RNFT2: variants seen among roughly 807,000 people sequenced by gnomAD.
RNFT2 encodes the protein E3 ubiquitin-protein ligase RNFT2.
RNFT2 carries 36 observed loss-of-function variants against 53.0 expected under a neutral mutation model. That is an observed-to-expected ratio of 0.68 (90% CI 0.52 to 0.90). The LOEUF (loss-of-function observed/expected upper bound fraction) is 0.90. RNFT2 is among the 40% of genes least tolerant of loss of function. The probability of loss-of-function intolerance (pLI) is 0.00; values close to 1 mark genes in which losing one functional copy is unlikely to be tolerated. For synonymous variants in RNFT2, 260 were observed against 253.2 expected, an observed-to-expected ratio of 1.03 and a Z score of -0.26; for missense variants, 514 against 585.6, an observed-to-expected ratio of 0.88 and a Z score of 1.26.
At chr12:116,838,233 T>G (rs1877078488) in intron 10 of RNFT2, among the ~76,000 whole-genome samples, 1 of 152,240 alleles carries the variant, frequency 6.6e-6, no homozygotes, top group African/African-American at 2.4e-5. Context: ...AAGGCTGTCA[T>G]GAATGATCCA....
intron 3 of RNFT2, among the ~76,000 whole-genome samples, chr12:116,745,357 TAG>T (rs1405291046): frequency 6.6e-6 from 1 of 151,912 alleles, no homozygotes; most frequent in Non-Finnish European, 1.5e-5. Flanking sequence ...GTATTTTTAG[TAG>T]AGAGGGTTTT....
chr12:116,764,748 T>C (rs1358093200), intron 5 of RNFT2, among the ~76,000 whole-genome samples: 3 of 151,972 alleles, frequency 2.0e-5, no homozygotes, highest in African/African-American at 7.3e-5. Context: ...AAAAATTAGC[T>C]GGGCATGGTG....
rs546511083 is a variant in RNFT2, at chr12:116,740,392, C to T, written c.-106C>T. The T allele has an allele frequency of 2.3e-5, 26 of 1,133,622 alleles. No homozygotes were observed. The highest frequency in any genetic ancestry group is 4.0e-5 in the South Asian group (3 of 75,052). 70.2% of individuals were successfully genotyped at this position (1,133,622 alleles called of 1,614,324 possible). A position where few individuals can be genotyped will look rare whatever the true frequency, so the allele number is the denominator to read the frequency against. On this transcript the variant is annotated 5_prime_UTR_variant, in exon 2 of 11. It adds an upstream start codon to the 5' untranslated region. Transcript: ENST00000257575. Reference sequence around the variant, plus strand: ...CCCTGACTGTGCATCCCTCTGGAGACGAAGAGGAGGGGGAGGCCTGTCCTC... The same window carrying T: ...CCCTGACTGTGCATCCCTCTGGAGATGAAGAGGAGGGGGAGGCCTGTCCTC...
At chr12:116,744,003 G>A (rs1871772971) in intron 3 of RNFT2, among the ~76,000 whole-genome samples, 1 of 152,124 alleles carries the variant, frequency 6.6e-6, no homozygotes, top group African/African-American at 2.4e-5. Context: ...AAGGCAGGCT[G>A]ATCACCTGAG....
At chr12:116,848,476 G>A (rs1319744459) in intron 10 of RNFT2, among the ~76,000 whole-genome samples, 1 of 151,974 alleles carries the variant, frequency 6.6e-6, no homozygotes, top group South Asian at 2.1e-4. Context: ...CTCAGAATAA[G>A]AGCCAAAGAC....
intron 7 of RNFT2, among the ~76,000 whole-genome samples, chr12:116,810,439 C>T (rs1448612609): frequency 6.6e-6 from 1 of 152,158 alleles, no homozygotes; most frequent in Non-Finnish European, 1.5e-5. Flanking sequence ...CTCTAAGCTC[C>T]ATGGGGGCAG....
intron 7 of RNFT2, among the ~76,000 whole-genome samples, chr12:116,832,105 T>G (rs1243288919): frequency 7.3e-6 from 1 of 137,036 alleles, no homozygotes; most frequent in African/African-American, 2.8e-5. Flanking sequence ...CACTCCAGCC[T>G]GGGCAACATA....
At chr12:116,771,460 T>TAA (rs35911608) in intron 6 of RNFT2, among the ~76,000 whole-genome samples, 26 of 64,118 alleles carry the variant, frequency 4.1e-4, no homozygotes, top group African/African-American at 1.3e-3. Context: ...ATCCTATCGT[T>TAA]AAAAAAAAAA....
intron 3 of RNFT2, among the ~76,000 whole-genome samples, chr12:116,741,794 A>G (rs769117784): frequency 2.6e-5 from 4 of 152,130 alleles, no homozygotes; most frequent in Admixed American, 6.5e-5. Context: ...GACTACAGGC[A>G]TGTGCCACCA....
rs537366273 is a variant in RNFT2, at chr12:116,851,366, G to A, written c.*1918G>A. 7.7e-4 allele frequency: 167 copies of A among 216,366 alleles called. No homozygotes were observed. Among genetic ancestry groups the A allele is most frequent in the Non-Finnish European group, 4.3e-4 (46 of 107,496 alleles). The allele number at this position is 216,366 out of a possible 1,614,324, so 13.4% of individuals were successfully genotyped here. On this transcript the variant is annotated 3_prime_UTR_variant, in exon 11 of 11. Coordinates refer to ENST00000257575, the MANE Select transcript of RNFT2 (RefSeq NM_001382266.1). Reference sequence around the variant, plus strand: ...CAGGCACACTCCGCTATCCCCAGCAGAGCCCGCACTCTTAACCTCCGCACT... The same window carrying A: ...CAGGCACACTCCGCTATCCCCAGCAAAGCCCGCACTCTTAACCTCCGCACT...
intron 5 of RNFT2, 25 bp downstream of exon 5, chr12:116,754,085 C>T (rs771680424): frequency 6.9e-6 from 11 of 1,589,124 alleles, no homozygotes; most frequent in Non-Finnish European, 9.5e-6. Context: ...GACCTAGTCT[C>T]CTGTGGCTGC....
chr12:116,838,461 T>C (rs189308902), intron 10 of RNFT2, among the ~76,000 whole-genome samples: 1,930 of 152,326 alleles, frequency 0.013, 39 homozygotes, highest in African/African-American at 0.044. Flanking sequence ...TGACAGTTAT[T>C]GCTAAACTGC....
chr12:116,828,077 G>C (rs2137192972), intron 7 of RNFT2, among the ~76,000 whole-genome samples: 1 of 152,268 alleles, frequency 6.6e-6, no homozygotes, highest in Non-Finnish European at 1.5e-5. Context: ...GTCCTTACCT[G>C]TCATGAGACC....
intron 6 of RNFT2, among the ~76,000 whole-genome samples, chr12:116,771,069 A>G (rs764499067): frequency 3.1e-4 from 47 of 152,174 alleles, no homozygotes; most frequent in Non-Finnish European, 6.0e-4. Flanking sequence ...GGCAGAGACC[A>G]TATAGCTTAC....
At chr12:116,771,877 C>T (rs914418053) in intron 6 of RNFT2, among the ~76,000 whole-genome samples, 8 of 152,216 alleles carry the variant, frequency 5.3e-5, no homozygotes, top group South Asian at 2.1e-4. Context: ...TGAAACGAGA[C>T]GCTTCCTCCA....
At position 116,851,869 on chromosome 12, in the gene RNFT2, C is replaced by T. The variant is rs2137233786; in HGVS notation, c.*2421C>T. On this transcript the variant is annotated 3_prime_UTR_variant, in exon 11 of 11. Transcript: ENST00000257575. ...CCTGTCTTTATGTCTTTCTCCTCTT[C>T]CTATTCTGTCATCTCCCTCACTTAA... 2 of 1,531,280 alleles carry T rather than the reference C, an allele frequency of 1.3e-6. No individual in the cohort carries two copies. The allele number at this position is 1,531,280 out of a possible 1,614,324, so 94.9% of individuals were successfully genotyped here.
chr12:116,815,367 G>A (rs1875598479), intron 7 of RNFT2, among the ~76,000 whole-genome samples: 1 of 152,150 alleles, frequency 6.6e-6, no homozygotes, highest in South Asian at 2.1e-4. Context: ...TTACAGTTCT[G>A]GAGGTCAGAT....
intron 7 of RNFT2, among the ~76,000 whole-genome samples, chr12:116,800,682 T>C (rs1418716927): frequency 6.6e-6 from 1 of 150,800 alleles, no homozygotes; most frequent in Non-Finnish European, 1.5e-5. Flanking sequence ...GGCACTGTGG[T>C]GCGTGCCTGT....
chr12:116,805,122 T>TG (rs1555207402), intron 7 of RNFT2, among the ~76,000 whole-genome samples: 1 of 1,700 alleles, frequency 5.9e-4, no homozygotes, highest in African/African-American at 2.0e-3. Flanking sequence ...AGACATTGTC[T>TG]TTTTTTTTTT....
Sources: allele counts gnomAD v4.1 joint callset (sites outside exome capture counted in the v4.1 genomes callset), GRCh38; gene constraint gnomAD v4.1.1; transcripts MANE v1.5; gene names NCBI Gene and HGNC (gene_info 2026-07-23, HGNC 2026-07-21).